The following TJP2 variants were observed in gnomAD, a reference collection of about 807,000 sequenced individuals.
TJP2 encodes the protein Friedreich ataxia region gene X104 (tight junction protein ZO-2).
A neutral mutation model predicts 133.1 loss-of-function variants in TJP2; 91 were observed. The observed-to-expected ratio is 0.68, with a 90% CI of 0.58 to 0.81. The LOEUF (loss-of-function observed/expected upper bound fraction) is 0.81, where lower values mean the gene tolerates loss of function less well. Among genes scored for constraint, TJP2 ranks in the 40% least tolerant of loss-of-function variants. The pLI, the probability that TJP2 is intolerant of heterozygous loss-of-function variation, is 0.00. For synonymous variants in TJP2, 592 were observed against 583.4 expected, an observed-to-expected ratio of 1.01 and a Z score of -0.21; for missense variants, 1,541 against 1,565.6, an observed-to-expected ratio of 0.98 and a Z score of 0.26.
intron 1 of TJP2, among the ~76,000 whole-genome samples, chr9:69,178,632 C>T (rs1825268212): frequency 6.6e-6 from 1 of 152,224 alleles, no homozygotes; most frequent in Non-Finnish European, 1.5e-5. Flanking sequence ...TAAGCGTGTG[C>T]ATCCTGCTCT....
chr9:69,136,806 C>G (rs377052852), intron 1 of TJP2, among the ~76,000 whole-genome samples: 2 of 152,028 alleles, frequency 1.3e-5, no homozygotes, highest in South Asian at 4.2e-4. Context: ...ACTCAGGCTT[C>G]CTGGAGAAGG....
intron 1 of TJP2, among the ~76,000 whole-genome samples, chr9:69,150,758 CA>C (rs1278124127): frequency 2.0e-5 from 3 of 152,132 alleles, no homozygotes; most frequent in Non-Finnish European, 1.5e-5. Flanking sequence ...AGACTGAAAA[CA>C]GGGGCAGCAA....
intron 20 of TJP2, among the ~76,000 whole-genome samples, chr9:69,250,771 C>G (rs963306349): frequency 6.6e-6 from 1 of 152,172 alleles, no homozygotes; most frequent in Non-Finnish European, 1.5e-5. Flanking sequence ...CTGATCTTAC[C>G]TCCAGCAATC....
chr9:69,198,003 C>T (rs1564426903), intron 1 of TJP2, among the ~76,000 whole-genome samples: 1 of 152,194 alleles, frequency 6.6e-6, no homozygotes, highest in Non-Finnish European at 1.5e-5. Flanking sequence ...AGTGAGCGCC[C>T]AAGCTCATGG....
chr9:69,165,669 G>A (rs950092238), intron 2 of TJP2, among the ~76,000 whole-genome samples: 1 of 152,130 alleles, frequency 6.6e-6, no homozygotes, highest in African/African-American at 2.4e-5. Context: ...CTCTATCCCC[G>A]AAAAGAGAGT....
At chr9:69,247,958 C>A in intron 18 of TJP2, 54 bp from the exon 19 acceptor site, 3 of 1,492,280 alleles carry the variant, frequency 2.0e-6, no homozygotes, top group South Asian at 1.4e-5. Flanking sequence ...CTTGAGTCCC[C>A]ACTCCCAGGA....
At chr9:69,224,606 G>A (rs915465604) in intron 5 of TJP2, among the ~76,000 whole-genome samples, 2 of 152,166 alleles carry the variant, frequency 1.3e-5, no homozygotes, top group African/African-American at 4.8e-5. Flanking sequence ...GAACCTGGGA[G>A]GCAGAGGTTG....
intron 1 of TJP2, among the ~76,000 whole-genome samples, chr9:69,181,490 C>T (rs544000322): frequency 3.9e-5 from 6 of 152,198 alleles, no homozygotes; most frequent in South Asian, 2.1e-4. Context: ...GCTCGTGATC[C>T]GCCTGCCTTG....
intron 2 of TJP2, among the ~76,000 whole-genome samples, chr9:69,160,905 A>T (rs751149889): frequency 6.6e-6 from 1 of 152,160 alleles, no homozygotes; most frequent in Non-Finnish European, 1.5e-5. Context: ...CCTTGATTCA[A>T]TTACCTCCTA....
intron 12 of TJP2, among the ~76,000 whole-genome samples, chr9:69,235,714 C>T (rs7048519): frequency 0.072 from 10,958 of 152,230 alleles, 430 homozygotes; most frequent in African/African-American, 0.083. Flanking sequence ...GGAGGGCGAT[C>T]TTCTTTGCTC....
At chr9:69,154,174 A>C (rs1033343635) in intron 2 of TJP2, among the ~76,000 whole-genome samples, 1 of 152,216 alleles carries the variant, frequency 6.6e-6, no homozygotes, top group Non-Finnish European at 1.5e-5. Context: ...TACTAATTCT[A>C]CAGAGCTTGA....
intron 22 of TJP2, 148 bp from the exon 23 acceptor site, chr9:69,254,061 G>C: frequency 1.1e-6 from 1 of 925,714 alleles, no homozygotes; most frequent in Non-Finnish European, 1.7e-6. Context: ...AGCAGGACCA[G>C]GGATGCCCTG....
chr9:69,151,374 G>A (rs1270478011), intron 1 of TJP2, among the ~76,000 whole-genome samples: 4 of 151,946 alleles, frequency 2.6e-5, no homozygotes, highest in Admixed American at 6.6e-5. Flanking sequence ...CCAGCTTTCC[G>A]GGAGGTTGAG....
At chr9:69,232,798 C>T (rs1829886063) in intron 11 of TJP2, among the ~76,000 whole-genome samples, 1 of 152,188 alleles carries the variant, frequency 6.6e-6, no homozygotes. Flanking sequence ...AGAAAAAAGA[C>T]TTCTAAGTTT....
In TJP2 at chr9:69,204,509, G is replaced by A. The variant is rs187973095; in HGVS notation, c.61-8039G>A. 1.8e-3 allele frequency among the ~76,000 whole-genome samples: 279 copies of A among 152,242 alleles called. 6 individuals carry two copies. The highest frequency in any genetic ancestry group is 2.3e-3 in the South Asian group (11 of 4,822). On this transcript the variant is annotated intron_variant, in intron 1 of 22. Coordinates refer to ENST00000377245, the MANE Select transcript of TJP2 (RefSeq NM_004817.4). ...GGTAAAGACAAAGAACAGACGGCAG[G>A]GCTCTTTGTTATTCTTTTATCTGCT...
chr9:69,179,121 A>G (rs930248667), intron 1 of TJP2, among the ~76,000 whole-genome samples: 1 of 152,128 alleles, frequency 6.6e-6, no homozygotes, highest in Non-Finnish European at 1.5e-5. Context: ...GAATGAATCA[A>G]GGAGAAGAGA....
intron 1 of TJP2, among the ~76,000 whole-genome samples, chr9:69,208,786 T>G (rs1827630074): frequency 6.6e-6 from 1 of 152,142 alleles, no homozygotes. Context: ...TCCTGATAAT[T>G]TTAAAGTAAG....
chr9:69,178,950 G>A (rs1409985591), intron 1 of TJP2, among the ~76,000 whole-genome samples: 2 of 145,880 alleles, frequency 1.4e-5, no homozygotes, highest in Admixed American at 1.4e-4. Context: ...TCAGAAGAAT[G>A]CCAACTGGAT....
In TJP2 at chr9:69,221,454, G is replaced by A. The variant is rs375605660; in HGVS notation, c.910G>A (p.Gly304Arg). The change falls in exon 5 of 23, where the codon GGG (glycine) becomes AGG (arginine). Residue 304 changes from glycine (G) to arginine (R), a missense_variant. Physicochemically the swap from Gly to Arg is moderately radical, Grantham distance 125. Transcript: ENST00000377245. ...SPSPEPRGRP[G>R]PIGVLLMKSR... is the part of the protein sequence containing the mutation. ...CAGCCCCGAGCCTAGGGGGCGGCCG[G>A]GGCCCATCGGGGTCCTCCTGATGAA... 45 of 1,596,556 alleles carry A rather than the reference G, an allele frequency of 2.8e-5. No individual in the cohort carries two copies. The highest frequency in any genetic ancestry group is 4.5e-5 in the South Asian group (4 of 88,482).
Sources: allele counts gnomAD v4.1 joint callset (sites outside exome capture counted in the v4.1 genomes callset), GRCh38; gene constraint gnomAD v4.1.1; transcripts MANE v1.5; gene names NCBI Gene and HGNC (gene_info 2026-07-23, HGNC 2026-07-21).